The following PTPN11 variants were observed in gnomAD, a reference collection of about 807,000 sequenced individuals.
The protein encoded by PTPN11 is tyrosine-protein phosphatase non-receptor type 11.
A neutral mutation model predicts 78.8 loss-of-function variants in PTPN11; 6 were observed. The observed-to-expected ratio is 0.08, with a 90% CI of 0.04 to 0.15. The LOEUF (loss-of-function observed/expected upper bound fraction) is 0.15, where lower values mean the gene tolerates loss of function less well. Among genes scored for constraint, PTPN11 ranks in the 10% least tolerant of loss-of-function variants. The pLI is 1.00. For missense variants in PTPN11, 386 were observed against 744.8 expected, an observed-to-expected ratio of 0.52 and a Z score of 5.61; for synonymous variants, 221 against 263.5, an observed-to-expected ratio of 0.84 and a Z score of 1.56.
intron 14 of PTPN11, among the ~76,000 whole-genome samples, chr12:112,502,635 T>C (rs1315559793): frequency 6.6e-6 from 1 of 152,116 alleles, no homozygotes; most frequent in Non-Finnish European, 1.5e-5. Context: ...TAATCCCAGC[T>C]ACTCAGGAGG....
At chr12:112,459,099 C>T (rs2038208419) in intron 6 of PTPN11, among the ~76,000 whole-genome samples, 1 of 152,142 alleles carries the variant, frequency 6.6e-6, no homozygotes, top group South Asian at 2.1e-4. Flanking sequence ...TCACTGTTGC[C>T]TTCCTTGTCC....
intron 6 of PTPN11, among the ~76,000 whole-genome samples, chr12:112,471,438 T>C (rs1459175569): frequency 7.2e-6 from 1 of 138,714 alleles, no homozygotes; most frequent in Non-Finnish European, 1.5e-5. Flanking sequence ...CGTGGCTCCA[T>C]CATATGATAA....
intron 11 of PTPN11, among the ~76,000 whole-genome samples, chr12:112,487,725 TTTTTG>T (rs1233512485): frequency 3.3e-5 from 5 of 152,170 alleles, no homozygotes; most frequent in Non-Finnish European, 7.3e-5. Flanking sequence ...AGCACAATGT[TTTTTG>T]TTTTGTTTTG....
At chr12:112,429,592 A>G (rs925818710) in intron 1 of PTPN11, among the ~76,000 whole-genome samples, 11 of 150,862 alleles carry the variant, frequency 7.3e-5, no homozygotes, top group Non-Finnish European at 1.6e-4. Context: ...ACTTGAGGTC[A>G]GAAGTTCGAG....
At chr12:112,433,788 A>G (rs2037749136) in intron 1 of PTPN11, among the ~76,000 whole-genome samples, 1 of 152,156 alleles carries the variant, frequency 6.6e-6, no homozygotes, top group Non-Finnish European at 1.5e-5. Context: ...CTATCTCTAC[A>G]AAGGAAAAAT....
rs886048979 is a variant in PTPN11 at position 112,508,699 on chromosome 12, A to C, written c.*2907A>C. On this transcript the variant is annotated 3_prime_UTR_variant, in exon 16 of 16. Transcript: ENST00000351677. ...GAGTTTAAAAAAAAAGCCAAATTTC[A>C]CAGTCTTAATAACTTTTTTTAAAAA... 2.0e-5 allele frequency: 3 copies of C among 152,200 alleles called. No homozygotes were observed. Among genetic ancestry groups the C allele is most frequent in the Non-Finnish European group, 4.4e-5 (3 of 68,030 alleles). 9.4% of individuals were successfully genotyped at this position (152,200 alleles called of 1,614,324 possible).
At chr12:112,478,402 A>G (rs1324213264) in intron 9 of PTPN11, among the ~76,000 whole-genome samples, 1 of 151,288 alleles carries the variant, frequency 6.6e-6, no homozygotes, top group African/African-American at 2.4e-5. Flanking sequence ...GTAAGACCCC[A>G]TCTCTTAAAA....
intron 1 of PTPN11, among the ~76,000 whole-genome samples, chr12:112,432,038 G>A (rs534298877): frequency 5.3e-5 from 8 of 152,204 alleles, no homozygotes; most frequent in African/African-American, 1.9e-4. Context: ...AATCTAATAG[G>A]AAATGAGCAA....
intron 1 of PTPN11, among the ~76,000 whole-genome samples, chr12:112,435,523 C>A (rs1339881811): frequency 1.3e-5 from 2 of 152,062 alleles, no homozygotes; most frequent in African/African-American, 4.8e-5. Flanking sequence ...AATGAAGCAA[C>A]CGCTGAGCCT....
intron 10 of PTPN11, among the ~76,000 whole-genome samples, chr12:112,483,050 C>T (rs530476568): frequency 8.5e-5 from 13 of 152,228 alleles, no homozygotes; most frequent in African/African-American, 3.1e-4. Flanking sequence ...GGAATCCCTG[C>T]ACTCCCAAGT....
intron 1 of PTPN11, among the ~76,000 whole-genome samples, chr12:112,434,364 C>T (rs2037757429): frequency 2.0e-5 from 3 of 152,092 alleles, no homozygotes. Context: ...AATCCCAACA[C>T]TTCAGGAGGC....
chr12:112,447,948 T>G (rs1017283472), intron 2 of PTPN11, among the ~76,000 whole-genome samples: 1 of 151,868 alleles, frequency 6.6e-6, no homozygotes, highest in Non-Finnish European at 1.5e-5. Context: ...ATTACAGACA[T>G]GTACCACCAT....
chr12:112,498,559 T>C (rs1165866913), intron 13 of PTPN11, among the ~76,000 whole-genome samples: 1 of 152,186 alleles, frequency 6.6e-6, no homozygotes, highest in Non-Finnish European at 1.5e-5. Flanking sequence ...TACCAGATGA[T>C]TTTGGAGTCT....
At chr12:112,428,493 T>G (rs765242183) in intron 1 of PTPN11, among the ~76,000 whole-genome samples, 2 of 150,782 alleles carry the variant, frequency 1.3e-5, no homozygotes, top group Non-Finnish European at 3.0e-5. Context: ...TTAATTCCAC[T>G]GTTCTTTATC....
chr12:112,484,613 G>A (rs2038645845), intron 10 of PTPN11, among the ~76,000 whole-genome samples: 1 of 152,202 alleles, frequency 6.6e-6, no homozygotes, highest in African/African-American at 2.4e-5. Flanking sequence ...AGGGTGGGAT[G>A]TTTGGATTTC....
At chr12:112,492,796 T>C (rs545824465) in intron 13 of PTPN11, among the ~76,000 whole-genome samples, 21 of 152,274 alleles carry the variant, frequency 1.4e-4, no homozygotes, top group East Asian at 1.9e-4. Context: ...GGATTACAGA[T>C]GTGAGTCACT....
chr12:112,476,356 G>C (rs1323345861), intron 7 of PTPN11, among the ~76,000 whole-genome samples: 1 of 152,140 alleles, frequency 6.6e-6, no homozygotes, highest in Non-Finnish European at 1.5e-5. Context: ...AATTCCCATT[G>C]CAAAATATGT....
intron 13 of PTPN11, among the ~76,000 whole-genome samples, chr12:112,492,476 G>T (rs73427523): frequency 0.037 from 5,542 of 151,136 alleles, 354 homozygotes; most frequent in African/African-American, 0.13. Context: ...TTAATATCTT[G>T]TGGGTAGATA....
intron 1 of PTPN11, among the ~76,000 whole-genome samples, chr12:112,424,916 T>C (rs1296276897): frequency 1.1e-4 from 16 of 143,014 alleles, no homozygotes; most frequent in African/African-American, 3.4e-4. Context: ...TGTGTGTGTG[T>C]GTGCTGGGAC....
Sources: allele counts gnomAD v4.1 joint callset (sites outside exome capture counted in the v4.1 genomes callset), GRCh38; gene constraint gnomAD v4.1.1; transcripts MANE v1.5; gene names NCBI Gene and HGNC (gene_info 2026-07-23, HGNC 2026-07-21).